DYSF: variants seen among roughly 807,000 people sequenced by gnomAD.
DYSF encodes dystrophy-associated fer-1-like 1.
In DYSF, 212 loss-of-function variants were observed where a neutral mutation model predicts 274.9. That is an observed-to-expected ratio of 0.77 (90% CI 0.69 to 0.86). The LOEUF (loss-of-function observed/expected upper bound fraction) is 0.86. DYSF is among the 40% of genes least tolerant of loss of function. The pLI, the probability that DYSF is intolerant of heterozygous loss-of-function variation, is 0.00. For missense variants in DYSF, 2,666 were observed against 2,783.2 expected (o/e 0.96, Z 0.95); for synonymous variants, 1,091 against 1,078.7 (o/e 1.01, Z -0.22).
intron 32 of DYSF, among the ~76,000 whole-genome samples, chr2:71,598,353 A>G (rs946277856): frequency 6.6e-6 from 1 of 152,202 alleles, no homozygotes; most frequent in Non-Finnish European, 1.5e-5. Flanking sequence ...GCCAGGACCC[A>G]GGCTCCATGT....
chr2:71,667,600 C>T, intron 48 of DYSF, 85 bp downstream of exon 48: 1 of 1,575,162 alleles, frequency 6.3e-7, no homozygotes. Flanking sequence ...CCAGAGGAGC[C>T]AGTGGGTCCC....
intron 4 of DYSF, 27 bp from the exon 5 acceptor site, chr2:71,511,780 C>G (rs189965581): frequency 7.1e-7 from 1 of 1,408,738 alleles, no homozygotes; most frequent in East Asian, 2.5e-5. Flanking sequence ...GCGCACCAAC[C>G]TGTCCCCCAC....
chr2:71,511,758 G>T, intron 4 of DYSF, 49 bp from the exon 5 acceptor site: 2 of 1,113,722 alleles, frequency 1.8e-6, no homozygotes, highest in South Asian at 1.3e-5. Flanking sequence ...GGAGGGCAGT[G>T]GTCCGAGGCC....
At chr2:71,593,125 C>CTTTTTTTTTT (rs35900869) in intron 32 of DYSF, among the ~76,000 whole-genome samples, 1 of 85,564 alleles carries the variant, frequency 1.2e-5, no homozygotes, top group Non-Finnish European at 2.2e-5. Context: ...TCAGTGACTT[C>CTTTTTTTTTT]TTTTTTTTTT....
intron 52 of DYSF, among the ~76,000 whole-genome samples, chr2:71,677,490 G>A (rs1433568604): frequency 1.3e-5 from 2 of 152,124 alleles, no homozygotes; most frequent in Non-Finnish European, 2.9e-5. Context: ...TTAAATACAA[G>A]AATTTTCATA....
intron 16 of DYSF, 95 bp from the exon 17 acceptor site, chr2:71,539,062 C>G (rs917586059): frequency 1.7e-5 from 19 of 1,090,782 alleles, no homozygotes; most frequent in East Asian, 4.7e-5. Context: ...CCCCCGCCCC[C>G]CTGTGATGTG....
At chr2:71,671,866 G>A (rs1455185678) in intron 51 of DYSF, among the ~76,000 whole-genome samples, 3 of 152,192 alleles carry the variant, frequency 2.0e-5, no homozygotes, top group East Asian at 1.9e-4. Flanking sequence ...ACCCGTGGGC[G>A]AGTTCCAGAG....
At chr2:71,552,724 G>A (rs1273601719) in intron 19 of DYSF, among the ~76,000 whole-genome samples, 1 of 152,268 alleles carries the variant, frequency 6.6e-6, no homozygotes, top group Non-Finnish European at 1.5e-5. Flanking sequence ...CTCAGCTGAT[G>A]TGGTGGTACC....
Position 71,527,352 on chromosome 2 carries a change from C to T in DYSF, c.1277-946C>T, listed in dbSNP as rs144421601. Among the ~76,000 whole-genome samples the T allele has an allele frequency of 1.1e-3, 170 of 152,272 alleles. 1 individual carries two copies. The highest frequency in any genetic ancestry group is 0.011 in the East Asian group (57 of 5,184). ...GGTAACTATTTGAGAGTTTCTGCTT[C>T]GGCTGCTGACGTCAAGAAATGAAAT... On this transcript the variant is annotated intron_variant, in intron 13 of 55. Coordinates refer to ENST00000410020, the MANE Select transcript of DYSF (RefSeq NM_001130987.2).
At chr2:71,565,497 C>T (rs2092037641) in intron 24 of DYSF, among the ~76,000 whole-genome samples, 1 of 152,170 alleles carries the variant, frequency 6.6e-6, no homozygotes, top group South Asian at 2.1e-4. Context: ...CAAAGCCCCT[C>T]CACGCTGGAC....
At chr2:71,505,557 G>T (rs929227947) in intron 4 of DYSF, among the ~76,000 whole-genome samples, 4 of 152,210 alleles carry the variant, frequency 2.6e-5, no homozygotes, top group African/African-American at 9.6e-5. Context: ...TTTGCCTTTT[G>T]CTCAGTGTTC....
chr2:71,660,984 G>A (rs916610157), intron 45 of DYSF, among the ~76,000 whole-genome samples: 1 of 151,970 alleles, frequency 6.6e-6, no homozygotes, highest in Admixed American at 6.6e-5. Context: ...AGGCATGGTA[G>A]TGCATGCCTG....
intron 40 of DYSF, among the ~76,000 whole-genome samples, chr2:71,619,010 C>T (rs902769196): frequency 5.9e-5 from 9 of 151,972 alleles, no homozygotes; most frequent in South Asian, 4.1e-4. Context: ...CTCCCAGAAC[C>T]GGAGTGGCAA....
intron 30 of DYSF, among the ~76,000 whole-genome samples, chr2:71,587,809 T>A (rs2093123170): frequency 6.6e-6 from 1 of 152,066 alleles, no homozygotes; most frequent in African/African-American, 2.4e-5. Flanking sequence ...AGTCCAGGCA[T>A]CTCCCTGTCA....
At position 71,520,774 on chromosome 2, in the gene DYSF, T is replaced by A. The variant is rs1311577019; in HGVS notation, c.1034-15T>A. 1 of 1,611,216 alleles carries A rather than the reference T, an allele frequency of 6.2e-7. No individual in the cohort carries two copies. Among genetic ancestry groups the A allele is most frequent in the South Asian group, 1.1e-5 (1 of 91,012 alleles). On this transcript the variant is annotated splice_polypyrimidine_tract_variant and intron_variant, in intron 11 of 55. Coordinates refer to ENST00000410020, the MANE Select transcript of DYSF (RefSeq NM_001130987.2). ...TTCTGATTCTGGGATCACCAGAGGATGTTGTCTCTCTTAGGGCACGCCTAT... is the reference window on the plus strand; with the variant it reads ...TTCTGATTCTGGGATCACCAGAGGAAGTTGTCTCTCTTAGGGCACGCCTAT...
Position 71,574,229 on chromosome 2 carries a change from G to A in DYSF, c.3260G>A (p.Trp1087Ter). Residue 1087 changes from tryptophan to a stop codon, truncating the protein, a stop_gained, in exon 30 of 56, where the codon TGG becomes TAG. Coordinates refer to ENST00000410020, the MANE Select transcript of DYSF (RefSeq NM_001130987.2). LOFTEE classifies it high-confidence loss of function. ...CAGGCGGAGGCGGAGGGCGAGGGCT[G>A]GGAGTACGCCTCTCTTTTTGGCTGG... ...HRQAEAEGEGWEYASLFGWKF... is the reference protein window; with the variant it reads ...HRQAEAEGEG 1 of 1,613,382 alleles carries A rather than the reference G, an allele frequency of 6.2e-7. No individual in the cohort carries two copies. Among genetic ancestry groups the A allele is most frequent in the Non-Finnish European group, 8.5e-7 (1 of 1,179,738 alleles).
chr2:71,482,967 C>T (rs2083056162), intron 3 of DYSF, among the ~76,000 whole-genome samples: 1 of 152,070 alleles, frequency 6.6e-6, no homozygotes. Flanking sequence ...GGCTGTGTTG[C>T]CCTGGGGTGG....
At chr2:71,619,918 T>C (rs2094054519) in intron 40 of DYSF, among the ~76,000 whole-genome samples, 1 of 152,138 alleles carries the variant, frequency 6.6e-6, no homozygotes, top group South Asian at 2.1e-4. Context: ...TTCACAGTAC[T>C]GGGAGATTGT....
At chr2:71,634,111 C>A (rs1196535821) in intron 41 of DYSF, among the ~76,000 whole-genome samples, 1 of 152,158 alleles carries the variant, frequency 6.6e-6, no homozygotes, top group Non-Finnish European at 1.5e-5. Flanking sequence ...CCAGTCCATG[C>A]CTTGGTCGGA....
Sources: allele counts gnomAD v4.1 joint callset (sites outside exome capture counted in the v4.1 genomes callset), GRCh38; gene constraint gnomAD v4.1.1; transcripts MANE v1.5; gene names NCBI Gene and HGNC (gene_info 2026-07-23, HGNC 2026-07-21).